ITIH5: variants seen among roughly 807,000 people sequenced by gnomAD.
The protein encoded by ITIH5 is inter-alpha-trypsin inhibitor heavy chain 5.
Under a neutral mutation model 77.5 loss-of-function variants are expected in ITIH5, and 65 were observed. That is an observed-to-expected ratio of 0.84 (90% confidence interval 0.69 to 1.03). The LOEUF (loss-of-function observed/expected upper bound fraction) is 1.03, where lower values mean the gene tolerates loss of function less well. Ranked by LOEUF, ITIH5 falls within the 50% of genes least tolerant of loss-of-function variation. The probability of loss-of-function intolerance (pLI) is 0.00; values close to 1 mark genes in which losing one functional copy is unlikely to be tolerated. For synonymous variants in ITIH5, 525 were observed against 494.3 expected, an observed-to-expected ratio of 1.06 and a Z score of -0.82; for missense variants, 1,208 against 1,213.1, an observed-to-expected ratio of 1.00 and a Z score of 0.06.
chr10:7,628,882 C>CGTGTGTCCATGTTGTAGT, intron 5 of ITIH5, among the ~76,000 whole-genome samples: 1 of 133,858 alleles, frequency 7.5e-6, no homozygotes, highest in South Asian at 2.6e-4. Flanking sequence ...CGTGTTGTAG[C>CGTGTGTCCATGTTGTAGT]GTGTGTCCGT....
intron 5 of ITIH5, among the ~76,000 whole-genome samples, chr10:7,623,214 T>C (rs1833502066): frequency 6.6e-6 from 1 of 152,198 alleles, no homozygotes; most frequent in Admixed American, 6.5e-5. Flanking sequence ...TTTTGGCTGC[T>C]GTCGGAGAAA....
At chr10:7,570,124 C>T (rs1832268312) in intron 11 of ITIH5, 1 of 174,318 alleles carries the variant, frequency 5.7e-6, no homozygotes. Context: ...TGGTACTCAG[C>T]CCCCATGCTT....
intron 2 of ITIH5, among the ~76,000 whole-genome samples, chr10:7,645,597 C>A (rs971746553): frequency 6.6e-6 from 1 of 152,182 alleles, no homozygotes; most frequent in Non-Finnish European, 1.5e-5. Context: ...ACCAAAATTA[C>A]ATCCACATCT....
chr10:7,629,503 A>G (rs1048162943), intron 5 of ITIH5, among the ~76,000 whole-genome samples: 77 of 87,534 alleles, frequency 8.8e-4, no homozygotes, highest in African/African-American at 3.4e-3. Context: ...GCGTGTGTCC[A>G]TGTTGCAGCG....
chr10:7,632,410 T>C (rs989550592), intron 5 of ITIH5, among the ~76,000 whole-genome samples: 2 of 152,024 alleles, frequency 1.3e-5, no homozygotes, highest in Non-Finnish European at 2.9e-5. Flanking sequence ...CTAAAAATCA[T>C]TAAATTATAC....
chr10:7,564,377 C>T (rs1358370405), intron 13 of ITIH5, among the ~76,000 whole-genome samples: 2 of 152,106 alleles, frequency 1.3e-5, no homozygotes, highest in Non-Finnish European at 2.9e-5. Flanking sequence ...TAGTCATGCA[C>T]CACATCATGA....
chr10:7,630,836 C>G (rs7902103), intron 5 of ITIH5, among the ~76,000 whole-genome samples: 105,514 of 151,730 alleles, frequency 0.7, 37,405 homozygotes, highest in African/African-American at 0.84. Context: ...GTGTTCTTAA[C>G]GGCCAAACAC....
intron 2 of ITIH5, among the ~76,000 whole-genome samples, chr10:7,655,415 C>G (rs1834164703): frequency 6.6e-6 from 1 of 151,768 alleles, no homozygotes; most frequent in Non-Finnish European, 1.5e-5. Flanking sequence ...GTTTTTAGTT[C>G]TACTGAAATA....
At chr10:7,576,102 G>A (rs1456487438) in intron 10 of ITIH5, among the ~76,000 whole-genome samples, 1 of 152,134 alleles carries the variant, frequency 6.6e-6, no homozygotes, top group Non-Finnish European at 1.5e-5. Flanking sequence ...ATGGCTCACT[G>A]CAGCCTCAAA....
intron 2 of ITIH5, among the ~76,000 whole-genome samples, chr10:7,651,514 G>T (rs748786733): frequency 6.6e-6 from 1 of 151,898 alleles, no homozygotes; most frequent in Non-Finnish European, 1.5e-5. Flanking sequence ...AGACTGAGGC[G>T]CAAGACTCAC....
At chr10:7,635,878 C>T (rs1388917554) in intron 5 of ITIH5, among the ~76,000 whole-genome samples, 1 of 152,166 alleles carries the variant, frequency 6.6e-6, no homozygotes, top group East Asian at 1.9e-4. Context: ...AAGAAGACTT[C>T]CTGGGTCATT....
intron 1 of ITIH5, among the ~76,000 whole-genome samples, chr10:7,659,954 C>G (rs1459393014): frequency 1.3e-5 from 2 of 152,138 alleles, no homozygotes; most frequent in Non-Finnish European, 2.9e-5. Context: ...AGTCTGGCTA[C>G]AGAAAAGTAA....
chr10:7,659,885 T>C (rs1023735481), intron 1 of ITIH5, among the ~76,000 whole-genome samples: 1 of 152,150 alleles, frequency 6.6e-6, no homozygotes, highest in Admixed American at 6.6e-5. Context: ...AGTTAAGAAT[T>C]CCTGATCCTT....
At chr10:7,607,080 T>C (rs1350695345) in intron 7 of ITIH5, among the ~76,000 whole-genome samples, 1 of 152,226 alleles carries the variant, frequency 6.6e-6, no homozygotes, top group Non-Finnish European at 1.5e-5. Context: ...GAAACATGCA[T>C]CTGCTGGTAG....
chr10:7,584,261 C>T (rs889777671), intron 8 of ITIH5, among the ~76,000 whole-genome samples: 2 of 151,342 alleles, frequency 1.3e-5, no homozygotes, highest in East Asian at 3.9e-4. Flanking sequence ...GCTTGGAGTC[C>T]AAAAGAGCAT....
At chr10:7,585,855 A>G in intron 8 of ITIH5, 46 bp downstream of exon 8, 1 of 1,501,660 alleles carries the variant, frequency 6.7e-7, no homozygotes, top group South Asian at 1.3e-5. Context: ...AAAAAAAAAC[A>G]TTATTTCAAA....
chr10:7,563,371 A>G lies in ITIH5; in HGVS notation c.2541T>C (p.Asn847=), dbSNP rs757973663. Residue 847 remains asparagine (N), a synonymous_variant, in exon 14 of 14, where the codon AAT becomes AAC. Coordinates refer to ENST00000397146, the MANE Select transcript of ITIH5 (RefSeq NM_030569.7). ...NCHGLLGQFL[N]QDARLTEDPA... is the part of the protein sequence containing the mutation. ...GGTCTTCTGTGAGTCTGGCATCCTGATTCAGGAACTGACCTGGGAGGACAA... is the reference window on the plus strand; with the variant it reads ...GGTCTTCTGTGAGTCTGGCATCCTGGTTCAGGAACTGACCTGGGAGGACAA... 5 of 1,612,462 alleles carry G rather than the reference A, an allele frequency of 3.1e-6. No homozygotes were observed. The East Asian group carries it at 1.1e-4, about 36-fold the overall frequency.
At chr10:7,580,223 C>T (rs559543136) in intron 8 of ITIH5, among the ~76,000 whole-genome samples, 159 bp from the exon 9 acceptor site, 85 of 152,298 alleles carry the variant, frequency 5.6e-4, no homozygotes, top group African/African-American at 1.9e-3. Flanking sequence ...CAGGTTCAAG[C>T]GATTCTCCCG....
At chr10:7,587,368 A>G (rs1269764725) in intron 7 of ITIH5, among the ~76,000 whole-genome samples, 1 of 152,224 alleles carries the variant, frequency 6.6e-6, no homozygotes, top group African/African-American at 2.4e-5. Context: ...CTGTTGTTAG[A>G]CACTTACAGG....
Sources: allele counts gnomAD v4.1 joint callset (sites outside exome capture counted in the v4.1 genomes callset), GRCh38; gene constraint gnomAD v4.1.1; transcripts MANE v1.5; gene names NCBI Gene and HGNC (gene_info 2026-07-23, HGNC 2026-07-21).